The following ELAVL4 variants were observed in gnomAD, a reference collection of about 807,000 sequenced individuals.
ELAVL4 encodes the protein ELAV like RNA binding protein 4, also known as ELAV-like protein 4.
In ELAVL4, 1 loss-of-function variant was observed where a neutral mutation model predicts 35.6. The observed-to-expected ratio is 0.03, with a 90% CI of 0.01 to 0.13. The LOEUF is 0.13. Ranked by LOEUF, ELAVL4 falls within the 10% of genes least tolerant of loss-of-function variation. The pLI, the probability that ELAVL4 is intolerant of heterozygous loss-of-function variation, is 1.00. For synonymous variants in ELAVL4, 156 were observed against 171.0 expected, an observed-to-expected ratio of 0.91 and a Z score of 0.69; for missense variants, 267 against 464.9, an observed-to-expected ratio of 0.57 and a Z score of 3.91.
chr1:50,051,701 A>AT (rs1465755439), intron 1 of ELAVL4, among the ~76,000 whole-genome samples: 1 of 152,084 alleles, frequency 6.6e-6, no homozygotes, highest in Non-Finnish European at 1.5e-5. Flanking sequence ...TCAACTTGTG[A>AT]TTTTTTTATT....
At position 50,193,902 on chromosome 1, in the gene ELAVL4, G is replaced by C. The variant is rs777268627; in HGVS notation, c.492G>C (p.Leu164=). The change falls in exon 4 of 7, where the codon CTG becomes CTC. Residue 164 remains leucine (L), a synonymous_variant. Coordinates refer to ENST00000371824, the MANE Select transcript of ELAVL4 (RefSeq NM_001144774.3). ...GCCGTATCATCACCTCACGAATCCT[G>C]GTTGATCAAGTCACAGGTTAAGTGT... is the stretch of plus-strand genomic sequence containing the variant. ...QYGRIITSRI[L]VDQVTGVSRG... 5.0e-6 allele frequency: 8 copies of C among 1,613,766 alleles called. No individual in the cohort carries two copies. Among genetic ancestry groups the C allele is most frequent in the Non-Finnish European group, 6.8e-6 (8 of 1,179,910 alleles).
At chr1:50,100,687 G>T (rs1345247539), upstream of ELAVL4, among the ~76,000 whole-genome samples, 1 of 152,184 alleles carries the variant, frequency 6.6e-6, no homozygotes, top group Non-Finnish European at 1.5e-5. Context: ...CTCCTTGAAG[G>T]TGGGGACTAT....
chr1:50,178,385 G>C (rs1680446359), intron 3 of ELAVL4, among the ~76,000 whole-genome samples: 1 of 152,212 alleles, frequency 6.6e-6, no homozygotes, highest in Admixed American at 6.5e-5. Context: ...ACTGGTATAA[G>C]ATAATCTTAG....
At chr1:50,077,461 C>T (rs1237802647) in intron 1 of ELAVL4, among the ~76,000 whole-genome samples, 1 of 152,132 alleles carries the variant, frequency 6.6e-6, no homozygotes, top group African/African-American at 2.4e-5. Flanking sequence ...TTCAGGCCTT[C>T]AACTGATTGG....
chr1:50,175,765 A>T (rs1241540993), intron 2 of ELAVL4: 1 of 152,192 alleles, frequency 6.6e-6, no homozygotes, highest in East Asian at 1.9e-4. Flanking sequence ...AAACACAGAC[A>T]TTTACCAGCA....
intron 2 of ELAVL4, among the ~76,000 whole-genome samples, chr1:50,148,706 T>G (rs190793841): frequency 1.3e-4 from 20 of 152,296 alleles, no homozygotes; most frequent in Non-Finnish European, 2.4e-4. Flanking sequence ...CCTCTGCTGC[T>G]GGGGAAAACA....
intron 2 of ELAVL4, chr1:50,174,387 A>G (rs1199940141): frequency 6.6e-6 from 1 of 152,018 alleles, no homozygotes; most frequent in Non-Finnish European, 1.5e-5. Flanking sequence ...GTTCTATGCA[A>G]TGTTCTGTTT....
chr1:50,109,322 T>G (rs1666670437), intron 1 of ELAVL4, 124 bp downstream of exon 1: 2 of 992,640 alleles, frequency 2.0e-6, no homozygotes, highest in Non-Finnish European at 1.5e-6. Context: ...GTTCCTACAT[T>G]TACTATCTCT....
At chr1:50,156,389 G>T (rs991768684) in intron 2 of ELAVL4, among the ~76,000 whole-genome samples, 3 of 152,140 alleles carry the variant, frequency 2.0e-5, no homozygotes, top group African/African-American at 4.8e-5. Flanking sequence ...CTATAAATGG[G>T]TTGCTCCTAT....
intron 1 of ELAVL4, among the ~76,000 whole-genome samples, chr1:50,098,153 T>G (rs1665796409): frequency 6.6e-6 from 1 of 152,192 alleles, no homozygotes; most frequent in African/African-American, 2.4e-5. Context: ...TGATGATTAT[T>G]TGATTATCCC....
intron 1 of ELAVL4, among the ~76,000 whole-genome samples, chr1:50,143,706 A>C (rs1312227323): frequency 6.6e-6 from 1 of 152,162 alleles, no homozygotes; most frequent in Non-Finnish European, 1.5e-5. Context: ...TTTATGATGG[A>C]CAAATAGAGG....
chr1:50,172,357 G>A (rs900952142), intron 2 of ELAVL4, among the ~76,000 whole-genome samples: 14 of 152,168 alleles, frequency 9.2e-5, no homozygotes, highest in African/African-American at 3.4e-4. Context: ...TTTCACAGCA[G>A]ATTCAAAAAG....
At chr1:50,067,335 T>C (rs896748715) in intron 1 of ELAVL4, among the ~76,000 whole-genome samples, 2 of 152,162 alleles carry the variant, frequency 1.3e-5, no homozygotes, top group African/African-American at 2.4e-5. Context: ...TTAAGAAGCC[T>C]GCAGAGGAAC....
chr1:50,109,830 G>A lies in ELAVL4; in HGVS notation c.9+632G>A. ...GTAGCAGTGCCTGGCGTGTTGAGTT[G>A]TTGCTTCCTTCTCTGGGCAGCAGCT... On this transcript the variant is annotated intron_variant, in intron 1 of 6. Coordinates refer to ENST00000371824, the MANE Select transcript of ELAVL4 (RefSeq NM_001144774.3). 4.9e-6 allele frequency: 7 copies of A among 1,436,482 alleles called. No homozygotes were observed. The South Asian group carries it at 4.9e-5, about 10-fold the overall frequency. The allele number at this position is 1,436,482 out of a possible 1,614,324, so 89.0% of individuals were successfully genotyped here.
At chr1:50,192,559 ACACACT>A (rs1408440307) in intron 3 of ELAVL4, among the ~76,000 whole-genome samples, 1 of 149,244 alleles carries the variant, frequency 6.7e-6, no homozygotes, top group African/African-American at 2.5e-5. Context: ...ACACACACAC[ACACACT>A]CTCACCCCTA....
rs1365761353 is a variant in ELAVL4 at position 50,203,444 on chromosome 1, A to G, written c.*2266A>G. Reference sequence around the variant, plus strand: ...TTTCAGTTCAGAGAACACTCGTTCAACATTCAGGGAAAGCTTTTTACGTCA... The same window carrying G: ...TTTCAGTTCAGAGAACACTCGTTCAGCATTCAGGGAAAGCTTTTTACGTCA... On this transcript the variant is annotated 3_prime_UTR_variant, in exon 7 of 7. Coordinates refer to ENST00000371824, the MANE Select transcript of ELAVL4 (RefSeq NM_001144774.3). The G allele has an allele frequency of 6.6e-6, 1 of 152,134 alleles. No individual in the cohort carries two copies. Among genetic ancestry groups the G allele is most frequent in the African/African-American group, 2.4e-5 (1 of 41,430 alleles). 9.4% of individuals were successfully genotyped at this position (152,134 alleles called of 1,614,324 possible). A position where few individuals can be genotyped will look rare whatever the true frequency, so the allele number is the denominator to read the frequency against.
chr1:50,167,523 G>C (rs550138944), intron 2 of ELAVL4, among the ~76,000 whole-genome samples: 4 of 152,312 alleles, frequency 2.6e-5, no homozygotes, highest in Admixed American at 2.6e-4. Context: ...CCACCAGGTA[G>C]CCGGCTAATC....
At chr1:50,161,161 C>G (rs1002111707) in intron 2 of ELAVL4, among the ~76,000 whole-genome samples, 2 of 152,114 alleles carry the variant, frequency 1.3e-5, no homozygotes, top group African/African-American at 2.4e-5. Flanking sequence ...GACACCCAGA[C>G]CTTTGTTTCA....
At chr1:50,192,075 C>T (rs112472475) in intron 3 of ELAVL4, among the ~76,000 whole-genome samples, 1,763 of 152,266 alleles carry the variant, frequency 0.012, 12 homozygotes, top group Middle Eastern at 0.024. Flanking sequence ...CTTAGTCCTT[C>T]AGCCCACACT....
Sources: gnomAD v4.1 joint callset for allele counts (sites outside exome capture counted in the v4.1 genomes callset) on GRCh38, gnomAD v4.1.1 for gene constraint, MANE v1.5 for transcripts, NCBI Gene and HGNC (gene_info 2026-07-23, HGNC 2026-07-21) for gene names.